The following COL11A1 variants were observed in gnomAD, a reference collection of about 807,000 sequenced individuals.
COL11A1 encodes the protein collagen type XI alpha 1 chain.
Under a neutral mutation model 265.2 loss-of-function variants are expected in COL11A1, and 74 were observed. That is an observed-to-expected ratio of 0.28 (90% CI 0.23 to 0.34). The LOEUF (loss-of-function observed/expected upper bound fraction) is 0.34. COL11A1 is among the 10% of genes least tolerant of loss of function. The pLI is 1.00. For synonymous variants in COL11A1, 816 were observed against 727.6 expected, an observed-to-expected ratio of 1.12 and a Z score of -1.96; for missense variants, 2,165 against 2,263.6, an observed-to-expected ratio of 0.96 and a Z score of 0.88.
In COL11A1 at chr1:102,974,849, G is replaced by C; in HGVS notation, c.2789C>G (p.Pro930Arg). 1.2e-6 allele frequency: 2 copies of C among 1,613,614 alleles called. No homozygotes were observed. The highest frequency in any genetic ancestry group is 1.7e-6 in the Non-Finnish European group (2 of 1,179,634). Reference protein sequence around the residue: ...PQGPQGPVGFPGPKGPPGPPG... With the variant: ...PQGPQGPVGFRGPKGPPGPPG... ...ACTTACAGGAGGGCCTTTTGGTCCA[G>C]GGAATCCAACTGGACCCTGAGGTCC... Residue 930 changes from proline to arginine, a missense_variant, in exon 36 of 67, where the codon CCT becomes CGT. Physicochemically the swap from Pro to Arg is moderately radical, Grantham distance 103 (BLOSUM62 -2). Coordinates refer to ENST00000370096, the MANE Select transcript of COL11A1 (RefSeq NM_001854.4).
chr1:102,899,464 C>A (rs995627153), intron 54 of COL11A1, among the ~76,000 whole-genome samples: 3 of 151,768 alleles, frequency 2.0e-5, no homozygotes, highest in African/African-American at 7.3e-5. Context: ...TAAAGAAACA[C>A]AATATTTTAA....
intron 41 of COL11A1, among the ~76,000 whole-genome samples, chr1:102,955,473 C>G (rs1210100636): frequency 1.3e-5 from 2 of 152,138 alleles, no homozygotes; most frequent in Non-Finnish European, 2.9e-5. Context: ...TGGCTCCTCT[C>G]ATATACTTTC....
At chr1:103,102,956 T>C (rs2102425561) in intron 1 of COL11A1, among the ~76,000 whole-genome samples, 1 of 152,156 alleles carries the variant, frequency 6.6e-6, no homozygotes, top group East Asian at 1.9e-4. Flanking sequence ...ATTTCACATG[T>C]GGTAATTAAA....
At chr1:103,046,162 TTTCTAG>T (rs1669247070) in intron 4 of COL11A1, among the ~76,000 whole-genome samples, 1 of 150,878 alleles carries the variant, frequency 6.6e-6, no homozygotes, top group Non-Finnish European at 1.5e-5. Flanking sequence ...TCAAATGGTA[TTTCTAG>T]TTCTAGATCC....
intron 1 of COL11A1, among the ~76,000 whole-genome samples, chr1:103,092,497 A>G (rs1558048035): frequency 6.6e-6 from 1 of 152,156 alleles, no homozygotes; most frequent in Non-Finnish European, 1.5e-5. Flanking sequence ...ACCATTACAC[A>G]TGGCACCATT....
At chr1:102,960,339 G>A (rs1286849324) in intron 41 of COL11A1, among the ~76,000 whole-genome samples, 2 of 152,078 alleles carry the variant, frequency 1.3e-5, no homozygotes, top group Non-Finnish European at 2.9e-5. Context: ...AAATGGGTAA[G>A]TGTGAGATGA....
At chr1:103,080,474 G>GA (rs1277017318) in intron 2 of COL11A1, among the ~76,000 whole-genome samples, 2 of 151,556 alleles carry the variant, frequency 1.3e-5, no homozygotes, top group Non-Finnish European at 3.0e-5. Context: ...CAACTCAATA[G>GA]AAAAAAACAA....
At chr1:103,106,964 C>A (rs1019749830) in intron 1 of COL11A1, among the ~76,000 whole-genome samples, 5 of 152,184 alleles carry the variant, frequency 3.3e-5, no homozygotes, top group Non-Finnish European at 4.4e-5. Context: ...ACCCTCCTTC[C>A]TATCCCCCAG....
chr1:102,933,484 G>T (rs1483384769), intron 46 of COL11A1, among the ~76,000 whole-genome samples: 4 of 151,832 alleles, frequency 2.6e-5, no homozygotes. Context: ...GAGAACCACT[G>T]CTCTCTTAAA....
intron 54 of COL11A1, among the ~76,000 whole-genome samples, chr1:102,901,348 G>C (rs1653180905): frequency 6.6e-6 from 1 of 151,022 alleles, no homozygotes. Flanking sequence ...CTGAGGCTGT[G>C]AATTTGATGT....
intron 41 of COL11A1, among the ~76,000 whole-genome samples, chr1:102,949,631 A>G (rs578076789): frequency 1.3e-5 from 2 of 152,346 alleles, no homozygotes; most frequent in African/African-American, 4.8e-5. Context: ...CATATGCAAT[A>G]TAATTTTATT....
chr1:102,940,515 A>G lies in COL11A1; in HGVS notation c.3277-81T>C, dbSNP rs1206417318. 3.0e-6 allele frequency: 3 copies of G among 1,005,378 alleles called. No individual in the cohort carries two copies. In the East Asian group the frequency reaches 7.6e-5, roughly 26 times the overall value. The allele number at this position is 1,005,378 out of a possible 1,614,324, so 62.3% of individuals were successfully genotyped here. On this transcript the variant is annotated intron_variant, in intron 42 of 66. Coordinates refer to ENST00000370096, the MANE Select transcript of COL11A1 (RefSeq NM_001854.4). Reference sequence around the variant, plus strand: ...AGTAATAATCTAGCTTCTATATTTGACAAGGATATTGTTTAATGTTTTTTA... The same window carrying G: ...AGTAATAATCTAGCTTCTATATTTGGCAAGGATATTGTTTAATGTTTTTTA...
chr1:102,974,740 A>G (rs897753160), intron 36 of COL11A1, 90 bp downstream of exon 36: 14 of 940,258 alleles, frequency 1.5e-5, no homozygotes, highest in Admixed American at 4.1e-5. Flanking sequence ...TATCAATATT[A>G]TATCTAACAA....
intron 1 of COL11A1, among the ~76,000 whole-genome samples, chr1:103,098,207 A>G (rs185621155): frequency 4.1e-4 from 62 of 152,076 alleles, no homozygotes; most frequent in African/African-American, 1.3e-3. Context: ...AGCATTTTCT[A>G]TATTGTAATT....
At chr1:103,028,409 G>A (rs780764475) in intron 5 of COL11A1, among the ~76,000 whole-genome samples, 2 of 152,122 alleles carry the variant, frequency 1.3e-5, no homozygotes, top group East Asian at 1.9e-4. Context: ...TGGTGGTCAT[G>A]AATATACTCA....
At chr1:103,090,751 C>T (rs994666373) in intron 1 of COL11A1, among the ~76,000 whole-genome samples, 1 of 152,118 alleles carries the variant, frequency 6.6e-6, no homozygotes, top group East Asian at 1.9e-4. Flanking sequence ...ATGAAAATGT[C>T]TACCTTTCTG....
intron 52 of COL11A1, 123 bp from the exon 53 acceptor site, chr1:102,913,813 C>A: frequency 5.5e-6 from 5 of 904,802 alleles, no homozygotes; most frequent in South Asian, 2.8e-5. Flanking sequence ...CAAGTAAAAT[C>A]ATTATATTCT....
intron 38 of COL11A1, among the ~76,000 whole-genome samples, chr1:102,964,602 G>GTGTA (rs958742417): frequency 5.3e-5 from 8 of 151,672 alleles, no homozygotes; most frequent in Non-Finnish European, 1.2e-4. Context: ...GTGTGTGTGT[G>GTGTA]TGTGTGTGTA....
At chr1:103,062,859 C>CA (rs1163051425) in intron 4 of COL11A1, among the ~76,000 whole-genome samples, 3 of 151,388 alleles carry the variant, frequency 2.0e-5, no homozygotes, top group Non-Finnish European at 1.5e-5. Flanking sequence ...AAATAATTGA[C>CA]AAAAAAATTG....
Sources: allele counts gnomAD v4.1 joint callset (sites outside exome capture counted in the v4.1 genomes callset), GRCh38; gene constraint gnomAD v4.1.1; transcripts MANE v1.5; gene names NCBI Gene and HGNC (gene_info 2026-07-23, HGNC 2026-07-21).